Variants in CUBN observed in about 807,000 individuals in gnomAD.
CUBN encodes the protein cubilin, also known as 460 kDa receptor.
In CUBN, 282 loss-of-function variants were observed where a neutral mutation model predicts 405.3. The ratio of observed to expected loss-of-function variants is 0.70; its 90% CI spans 0.63 to 0.77. The LOEUF (loss-of-function observed/expected upper bound fraction) is 0.77. CUBN is among the 30% of genes least tolerant of loss of function. The pLI is 0.00. For synonymous variants in CUBN, 1,684 were observed against 1,617.0 expected, an observed-to-expected ratio of 1.04 and a Z score of -0.99; for missense variants, 4,514 against 4,475.2, an observed-to-expected ratio of 1.01 and a Z score of -0.25.
At chr10:17,123,477 G>T in intron 5 of CUBN, 111 bp downstream of exon 5, 1 of 853,030 alleles carries the variant, frequency 1.2e-6, no homozygotes, top group Non-Finnish European at 2.0e-6. Flanking sequence ...TGATTTGGGA[G>T]GCCACAGAAT....
intron 27 of CUBN, among the ~76,000 whole-genome samples, chr10:17,036,353 G>T (rs967057975): frequency 1.3e-5 from 2 of 152,174 alleles, no homozygotes; most frequent in Non-Finnish European, 2.9e-5. Context: ...TGGGGAGAGG[G>T]ATGGGAATGG....
At chr10:16,971,480 AC>A (rs1431707774) in intron 31 of CUBN, among the ~76,000 whole-genome samples, 1 of 152,152 alleles carries the variant, frequency 6.6e-6, no homozygotes, top group Non-Finnish European at 1.5e-5. Context: ...GCAGATCTCT[AC>A]CCCAACTTAC....
chr10:17,085,892 A>C, intron 15 of CUBN, 133 bp from the exon 16 acceptor site: 1 of 781,032 alleles, frequency 1.3e-6, no homozygotes, highest in East Asian at 2.7e-5. Flanking sequence ...TCACATCCAA[A>C]TGTAACTCAT....
At chr10:17,020,437 A>G (rs1178743798) in intron 27 of CUBN, among the ~76,000 whole-genome samples, 1 of 152,250 alleles carries the variant, frequency 6.6e-6, no homozygotes, top group Non-Finnish European at 1.5e-5. Flanking sequence ...ACAGGCATGC[A>G]ATGTATAATA....
rs1306113392 is a variant in CUBN at position 16,961,868 on chromosome 10, C to CGT, written c.4696-7321_4696-7320insAC. On this transcript the variant is annotated intron_variant, in intron 31 of 66. Coordinates refer to ENST00000377833, the MANE Select transcript of CUBN (RefSeq NM_001081.4). ...CTGGGACTACAGGCGCCCGCCACTA[C>CGT]GCCTGGCTAATTTTTTTGTATTTTC... 2.6e-5 allele frequency among the ~76,000 whole-genome samples: 4 copies of CGT among 152,002 alleles called. No homozygotes were observed. The South Asian group carries it at 6.3e-4, about 24-fold the overall frequency.
chr10:16,975,638 T>A (rs1833069761), intron 31 of CUBN, among the ~76,000 whole-genome samples: 1 of 128,124 alleles, frequency 7.8e-6, no homozygotes, highest in Non-Finnish European at 1.8e-5. Context: ...TTTTTTTTTT[T>A]TTTTTTTTTT....
chr10:17,003,088 T>C (rs993166959), intron 28 of CUBN, among the ~76,000 whole-genome samples: 1 of 152,206 alleles, frequency 6.6e-6, no homozygotes, highest in East Asian at 1.9e-4. Context: ...AGAGAAAGAA[T>C]AGTCAGCATT....
chr10:16,981,135 G>C (rs144374636), intron 31 of CUBN, among the ~76,000 whole-genome samples: 2 of 147,816 alleles, frequency 1.4e-5, no homozygotes, highest in Non-Finnish European at 3.0e-5. Context: ...CCTGCCCTGC[G>C]CCCATCTGGT....
chr10:17,038,891 A>G (rs933320602), intron 27 of CUBN, among the ~76,000 whole-genome samples: 6 of 152,192 alleles, frequency 3.9e-5, no homozygotes, highest in African/African-American at 1.4e-4. Context: ...TCAATGTTGC[A>G]CAAGAGAAAT....
chr10:16,891,721 A>G (rs555265065), intron 54 of CUBN, among the ~76,000 whole-genome samples: 4 of 151,612 alleles, frequency 2.6e-5, no homozygotes, highest in African/African-American at 9.6e-5. Flanking sequence ...GGGGAAAAAA[A>G]CCCCAAAAAC....
intron 27 of CUBN, among the ~76,000 whole-genome samples, chr10:17,024,244 A>AT (rs980297657): frequency 1.3e-5 from 2 of 152,084 alleles, no homozygotes; most frequent in African/African-American, 2.4e-5. Flanking sequence ...TAGAGATCCA[A>AT]TTTTTTTGTA....
chr10:16,900,604 T>C (rs368519004), intron 53 of CUBN, 21 bp downstream of exon 53: 26 of 1,556,150 alleles, frequency 1.7e-5, no homozygotes, highest in Middle Eastern at 1.7e-4. Context: ...GAAAATCAAA[T>C]GGAGCAAACA....
chr10:17,103,367 T>G, intron 12 of CUBN, 130 bp from the exon 13 acceptor site: 1 of 687,116 alleles, frequency 1.5e-6, no homozygotes, highest in Non-Finnish European at 2.7e-6. Flanking sequence ...AGCCCTGCCA[T>G]TCCCTCTCCT....
At chr10:16,927,294 C>T (rs1276717) in intron 41 of CUBN, among the ~76,000 whole-genome samples, 106,694 of 151,724 alleles carry the variant, frequency 0.7, 37,755 homozygotes, top group East Asian at 0.91. Context: ...TGTCAGGGAC[C>T]AGAAGCTCAT....
At chr10:16,997,409 T>TG (rs1481970174) in intron 28 of CUBN, among the ~76,000 whole-genome samples, 3 of 141,320 alleles carry the variant, frequency 2.1e-5, no homozygotes, top group Admixed American at 1.5e-4. Flanking sequence ...CACTCCAGCC[T>TG]GGCAACAGAG....
rs201157846 is a variant in CUBN at position 16,836,318 on chromosome 10, G to C, written c.10097C>G (p.Ser3366Cys). The C allele has an allele frequency of 6.8e-5, 109 of 1,613,422 alleles. No individual in the cohort carries two copies. The highest frequency in any genetic ancestry group is 8.5e-5 in the Non-Finnish European group (100 of 1,179,476). Residue 3366 changes from serine (S) to cysteine (C), a missense_variant, in exon 63 of 67, where the codon TCT becomes TGT. Physicochemically the swap from Ser to Cys is moderately radical, Grantham distance 112 (BLOSUM62 -1). This residue lies in a region of CUBN where 1,186 missense variants were observed against 1,186.9 expected (regional missense o/e 1.00). Transcript: ENST00000377833. ...RNASAVPVFY[S>C]SMSTAMVIFK... is the part of the protein sequence containing the mutation. ...AATGACCATTGCAGTACTCATAGAA[G>C]AATAAAACACTGGCACAGCCGAAGC...
At chr10:17,055,832 G>C (rs529444163) in intron 22 of CUBN, among the ~76,000 whole-genome samples, 6 of 152,144 alleles carry the variant, frequency 3.9e-5, no homozygotes, top group African/African-American at 1.4e-4. Flanking sequence ...AATTTAAGAT[G>C]ACCTTTATCC....
At chr10:16,855,002 T>A (rs919987265) in intron 59 of CUBN, among the ~76,000 whole-genome samples, 1 of 143,886 alleles carries the variant, frequency 6.9e-6, no homozygotes, top group Non-Finnish European at 1.5e-5. Context: ...CTTTCCTTTT[T>A]TCTCTCTCTC....
In CUBN at chr10:17,127,833, G is replaced by A; in HGVS notation, c.344C>T (p.Ser115Phe). 2 of 1,609,746 alleles carry A rather than the reference G, an allele frequency of 1.2e-6. No homozygotes were observed. The highest frequency in any genetic ancestry group is 1.1e-5 in the South Asian group (1 of 90,974). The change falls in exon 3 of 67, where the codon TCC becomes TTC. Residue 115 changes from serine (S) to phenylalanine (F), a missense_variant. This residue lies in a region of CUBN where 1,448 missense variants were observed against 1,388.0 expected (regional missense o/e 1.04). Transcript: ENST00000377833. ...NISSQIYQLN[S>F]KLVDLERKFQ... is the part of the protein sequence containing the mutation. ...TGACGTAGATGTCAGACTTACCTTG[G>A]AATTAAGCTGATAGATTTGACTAGA...
Sources: gnomAD v4.1 joint callset for allele counts (sites outside exome capture counted in the v4.1 genomes callset) on GRCh38, gnomAD v4.1.1 for gene constraint, gnomAD v4.1.1 regional missense constraint, MANE v1.5 for transcripts, NCBI Gene and HGNC (gene_info 2026-07-23, HGNC 2026-07-21) for gene names.